ATP6V1H: variants seen among roughly 807,000 people sequenced by gnomAD.
The protein encoded by ATP6V1H is V-type proton ATPase subunit H.
ATP6V1H carries 39 observed loss-of-function variants against 71.7 expected under a neutral mutation model. That is an observed-to-expected ratio of 0.54 (90% CI 0.42 to 0.71). The LOEUF (loss-of-function observed/expected upper bound fraction) is 0.71. ATP6V1H is among the 30% of genes least tolerant of loss of function. ATP6V1H has a pLI of 0.00. For synonymous variants in ATP6V1H, 192 were observed against 199.3 expected, an observed-to-expected ratio of 0.96 and a Z score of 0.31; for missense variants, 509 against 594.9, an observed-to-expected ratio of 0.86 and a Z score of 1.50.
chr8:53,786,534 C>T (rs1175999707), intron 9 of ATP6V1H, among the ~76,000 whole-genome samples: 2 of 152,188 alleles, frequency 1.3e-5, no homozygotes, highest in African/African-American at 4.8e-5. Flanking sequence ...CTGTGCGCTG[C>T]ACACACTGTC....
At chr8:53,785,813 TG>T (rs1208059205) in intron 9 of ATP6V1H, among the ~76,000 whole-genome samples, 2 of 152,210 alleles carry the variant, frequency 1.3e-5, no homozygotes, top group Non-Finnish European at 2.9e-5. Flanking sequence ...CTCCTGACCC[TG>T]TTTGCCTGGG....
intron 10 of ATP6V1H, among the ~76,000 whole-genome samples, chr8:53,770,815 G>T (rs929654639): frequency 1.3e-5 from 2 of 152,030 alleles, no homozygotes; most frequent in African/African-American, 4.8e-5. Flanking sequence ...TGATTATTAC[G>T]GAGAACCAGT....
At chr8:53,841,846 T>G in intron 1 of ATP6V1H, 121 bp from the exon 2 acceptor site, 1 of 842,272 alleles carries the variant, frequency 1.2e-6, no homozygotes, top group South Asian at 2.1e-5. Flanking sequence ...ACTCAAATAT[T>G]AAATGTCCTA....
intron 7 of ATP6V1H, among the ~76,000 whole-genome samples, chr8:53,805,052 C>T (rs150667173): frequency 1.8e-4 from 28 of 151,964 alleles, no homozygotes; most frequent in Admixed American, 3.3e-4. Context: ...ATGCAATAAA[C>T]GAAACATAAA....
Position 53,833,044 on chromosome 8 carries a change from C to T in ATP6V1H, c.156G>A (p.Arg52=), listed in dbSNP as rs2130529203. The part of the protein sequence containing the change: ...ISAEDCEFIQ[R]FEMKRSPEEK... ...CTTCAGGGCTTCGTTTCATTTCAAA[C>T]CTCTGAATAAACTCACAATCTTCAG... is the stretch of plus-strand genomic sequence containing the variant. Residue 52 remains arginine, a synonymous_variant, in exon 3 of 14, where the codon AGG becomes AGA. Coordinates refer to ENST00000359530, the MANE Select transcript of ATP6V1H (RefSeq NM_015941.4). 6.2e-7 allele frequency: 1 copy of T among 1,613,860 alleles called. No individual in the cohort carries two copies. The highest frequency in any genetic ancestry group is 8.5e-7 in the Non-Finnish European group (1 of 1,179,850).
intron 13 of ATP6V1H, among the ~76,000 whole-genome samples, chr8:53,735,575 T>C (rs1446064802): frequency 6.6e-6 from 1 of 152,126 alleles, no homozygotes; most frequent in Non-Finnish European, 1.5e-5. Context: ...GTAGTTGCCC[T>C]ATAAGATTTT....
chr8:53,723,823 C>T (rs75462899), intron 13 of ATP6V1H, among the ~76,000 whole-genome samples: 13,165 of 152,202 alleles, frequency 0.086, 846 homozygotes, highest in East Asian at 0.34. Flanking sequence ...TGCTGCCTCA[C>T]CGTGGGATGA....
intron 9 of ATP6V1H, among the ~76,000 whole-genome samples, chr8:53,783,901 G>A (rs574874626): frequency 6.6e-6 from 1 of 152,326 alleles, no homozygotes; most frequent in South Asian, 2.1e-4. Flanking sequence ...ACTGTGGTCT[G>A]AGAAACAGTT....
intron 11 of ATP6V1H, among the ~76,000 whole-genome samples, chr8:53,765,854 A>G (rs1041759396): frequency 3.3e-5 from 5 of 152,228 alleles, no homozygotes; most frequent in African/African-American, 4.8e-5. Context: ...AAAGAACAAC[A>G]AAGTCAGAGG....
At chr8:53,770,767 T>C (rs564943999) in intron 10 of ATP6V1H, among the ~76,000 whole-genome samples, 1 of 152,318 alleles carries the variant, frequency 6.6e-6, no homozygotes, top group African/African-American at 2.4e-5. Flanking sequence ...TTTAGAAAGC[T>C]ATCACTAATC....
At chr8:53,776,023 G>C (rs1808871351) in intron 9 of ATP6V1H, among the ~76,000 whole-genome samples, 2 of 152,234 alleles carry the variant, frequency 1.3e-5, no homozygotes, top group Non-Finnish European at 2.9e-5. Flanking sequence ...ATGGCAGGCT[G>C]CAGTCCCGAG....
chr8:53,778,140 A>C (rs1808959138), intron 9 of ATP6V1H, among the ~76,000 whole-genome samples: 2 of 152,268 alleles, frequency 1.3e-5, no homozygotes, highest in African/African-American at 4.8e-5. Flanking sequence ...CTAAGAAATA[A>C]AATAGTGCAA....
chr8:53,810,375 T>C (rs1215697463), intron 7 of ATP6V1H, among the ~76,000 whole-genome samples: 2 of 152,180 alleles, frequency 1.3e-5, no homozygotes, highest in African/African-American at 2.4e-5. Flanking sequence ...AGAAAGGAAC[T>C]TGGGGAGCCA....
At chr8:53,820,426 G>GC (rs1170012958) in intron 4 of ATP6V1H, among the ~76,000 whole-genome samples, 3 of 151,630 alleles carry the variant, frequency 2.0e-5, no homozygotes, top group Non-Finnish European at 4.4e-5. Flanking sequence ...CATACAATCT[G>GC]CCCCCCACCA....
At position 53,814,650 on chromosome 8, in the gene ATP6V1H, A is replaced by T. The variant is rs749221410; in HGVS notation, c.525+12T>A. 12 of 1,511,608 alleles carry T rather than the reference A, an allele frequency of 7.9e-6. No homozygotes were observed. Among genetic ancestry groups the T allele is most frequent in the Middle Eastern group, 1.7e-4 (1 of 5,838 alleles). 93.6% of individuals were successfully genotyped at this position (1,511,608 alleles called of 1,614,324 possible). On this transcript the variant is annotated intron_variant, in intron 6 of 13. Coordinates refer to ENST00000359530, the MANE Select transcript of ATP6V1H (RefSeq NM_015941.4). ...ATTCCTTTCAAAGGTACTTTAAAAA[A>T]TTTTCTTTTACCTGTGAACTCAGCT...
chr8:53,795,774 C>T lies in ATP6V1H; in HGVS notation c.743G>A (p.Trp248Ter). The T allele has an allele frequency of 1.2e-6, 2 of 1,613,778 alleles. No homozygotes were observed. Among genetic ancestry groups the T allele is most frequent in the Non-Finnish European group, 1.7e-6 (2 of 1,179,882 alleles). The change falls in exon 9 of 14, where the codon TGG becomes TAG. Residue 248 changes from tryptophan (W) to a stop codon, truncating the protein, a stop_gained. Transcript: ENST00000359530. LOFTEE classifies it high-confidence loss of function. ...CATTTGAGGACTGAATGCCAGGAGC[C>T]ATATTGAAAAAATCATTTGATACTG... is the stretch of plus-strand genomic sequence containing the variant. Reference protein sequence around the residue: ...QLQYQMIFSIWLLAFSPQMCE... With the variant: ...QLQYQMIFSI
intron 6 of ATP6V1H, 96 bp downstream of exon 6, chr8:53,814,566 A>C: frequency 1.4e-6 from 1 of 692,382 alleles, no homozygotes; most frequent in Non-Finnish European, 2.4e-6. Context: ...TATTTTAATA[A>C]AACATTTTTG....
chr8:53,775,164 G>GCCC (rs1808821296), intron 9 of ATP6V1H, among the ~76,000 whole-genome samples: 2 of 151,970 alleles, frequency 1.3e-5, no homozygotes, highest in Non-Finnish European at 2.9e-5. Context: ...CGCGGTGAGT[G>GCCC]TTACGGCTCT....
chr8:53,730,496 T>A (rs1189202568), intron 13 of ATP6V1H, among the ~76,000 whole-genome samples: 1 of 152,142 alleles, frequency 6.6e-6, no homozygotes, highest in Non-Finnish European at 1.5e-5. Flanking sequence ...TTTTTTAGAT[T>A]ATCATTTAAG....
Sources: gnomAD v4.1 joint callset for allele counts (sites outside exome capture counted in the v4.1 genomes callset) on GRCh38, gnomAD v4.1.1 for gene constraint, MANE v1.5 for transcripts, NCBI Gene and HGNC (gene_info 2026-07-23, HGNC 2026-07-21) for gene names.